THSD7A: variants seen among roughly 807,000 people sequenced by gnomAD.
The protein encoded by THSD7A is thrombospondin type-1 domain-containing protein 7A.
THSD7A carries 96 observed loss-of-function variants against 231.3 expected under a neutral mutation model. The ratio of observed to expected loss-of-function variants is 0.41; its 90% CI spans 0.35 to 0.49. The LOEUF (loss-of-function observed/expected upper bound fraction) is 0.49. Among genes scored for constraint, THSD7A ranks in the 20% least tolerant of loss-of-function variants. THSD7A has a pLI of 0.05. For missense variants in THSD7A, 2,290 were observed against 2,070.2 expected (o/e 1.11, Z -2.06); for synonymous variants, 940 against 743.3 (o/e 1.26, Z -4.30).
chr7:11,417,830 A>C (rs1784013741), intron 16 of THSD7A, among the ~76,000 whole-genome samples: 1 of 152,186 alleles, frequency 6.6e-6, no homozygotes, highest in African/African-American at 2.4e-5. Context: ...ATGATTCAAA[A>C]ATGTGTTTGC....
chr7:11,496,641 A>G (rs1049203980), intron 6 of THSD7A, among the ~76,000 whole-genome samples: 4 of 152,204 alleles, frequency 2.6e-5, no homozygotes, highest in Admixed American at 6.5e-5. Flanking sequence ...CACTTCTTCC[A>G]AGGGCCAGGA....
At chr7:11,517,614 T>C (rs1788086969) in intron 6 of THSD7A, among the ~76,000 whole-genome samples, 1 of 152,218 alleles carries the variant, frequency 6.6e-6, no homozygotes, top group South Asian at 2.1e-4. Context: ...CTTTTTTAGT[T>C]TCTTCTCTTG....
chr7:11,645,306 C>T (rs918811437), intron 1 of THSD7A, among the ~76,000 whole-genome samples: 3 of 151,614 alleles, frequency 2.0e-5, no homozygotes, highest in African/African-American at 7.3e-5. Context: ...CTAACATTTT[C>T]TCTGACCATT....
intron 1 of THSD7A, among the ~76,000 whole-genome samples, chr7:11,653,764 G>C (rs1435941816): frequency 6.6e-6 from 1 of 151,804 alleles, no homozygotes; most frequent in Non-Finnish European, 1.5e-5. Flanking sequence ...CTGAAGTCTA[G>C]TTTATACCAG....
chr7:11,534,908 C>T (rs1050005395), intron 6 of THSD7A, among the ~76,000 whole-genome samples: 48 of 152,138 alleles, frequency 3.2e-4, no homozygotes, highest in African/African-American at 1.1e-3. Context: ...ACTTGGGATG[C>T]TAAGGCAGGA....
chr7:11,627,575 G>A (rs1781514183), intron 2 of THSD7A, among the ~76,000 whole-genome samples: 1 of 152,004 alleles, frequency 6.6e-6, no homozygotes, highest in African/African-American at 2.4e-5. Context: ...GAGGAAAAGA[G>A]CAGAAGTAAA....
At chr7:11,458,170 T>C (rs1562624928) in intron 11 of THSD7A, among the ~76,000 whole-genome samples, 1 of 152,124 alleles carries the variant, frequency 6.6e-6, no homozygotes, top group Non-Finnish European at 1.5e-5. Flanking sequence ...TAATTATTTT[T>C]GTCATAAAAA....
At chr7:11,607,492 A>G (rs1780771713) in intron 2 of THSD7A, among the ~76,000 whole-genome samples, 2 of 152,194 alleles carry the variant, frequency 1.3e-5, no homozygotes, top group South Asian at 4.1e-4. Context: ...TTAAGTTTTT[A>G]TAACTTAACC....
intron 1 of THSD7A, among the ~76,000 whole-genome samples, chr7:11,742,633 A>G (rs1013919313): frequency 7.2e-5 from 11 of 151,914 alleles, no homozygotes; most frequent in Non-Finnish European, 7.4e-5. Flanking sequence ...CCTTTCAGCT[A>G]AGAAGGAAAA....
At chr7:11,565,898 T>C (rs1275353776) in intron 4 of THSD7A, among the ~76,000 whole-genome samples, 4 of 152,168 alleles carry the variant, frequency 2.6e-5, no homozygotes, top group Non-Finnish European at 5.9e-5. Context: ...CCAACTGAAT[T>C]GGCAGGTCTG....
In THSD7A at chr7:11,407,052, T is replaced by G. The variant is rs1390461331; in HGVS notation, c.3920A>C (p.Lys1307Thr). The change falls in exon 21 of 28, where the codon AAA (lysine) becomes ACA (threonine). Residue 1307 changes from lysine to threonine, a missense_variant. Coordinates refer to ENST00000423059, the MANE Select transcript of THSD7A (RefSeq NM_015204.3). ...ECSQTCGLTG[K>T]MIRRRTVTQP... ...GGTCACTGTTCGTCTTCGGATCATT[T>G]TTCCTTGAAGAGATACAAAGTGATG... The G allele has an allele frequency of 4.3e-6, 7 of 1,613,618 alleles. No homozygotes were observed. The Admixed American group carries it at 1.0e-4, about 23-fold the overall frequency.
chr7:11,776,105 T>C (rs114850143), intron 1 of THSD7A, among the ~76,000 whole-genome samples: 1,908 of 152,302 alleles, frequency 0.013, 34 homozygotes, highest in African/African-American at 0.043. Context: ...GAAGCCCTGA[T>C]TGGCCCAAGG....
At chr7:11,481,691 T>C (rs1377555807) in intron 7 of THSD7A, 97 bp downstream of exon 7, 3 of 1,281,416 alleles carry the variant, frequency 2.3e-6, no homozygotes, top group Non-Finnish European at 3.1e-6. Context: ...TTCTGGTTGT[T>C]GACTTTCATA....
intron 1 of THSD7A, among the ~76,000 whole-genome samples, chr7:11,673,101 T>C (rs1199680367): frequency 2.0e-5 from 3 of 152,080 alleles, no homozygotes; most frequent in Admixed American, 6.5e-5. Context: ...GGATTAATAG[T>C]TAGGTGACAC....
chr7:11,831,966 G>C lies in THSD7A; in HGVS notation c.-20C>G. ...CCCCATGCCGCCTGCAGCCACTCCA[G>C]GGTCCAGAGCCGTAGCACGCTCGGC... is the stretch of plus-strand genomic sequence containing the variant. On this transcript the variant is annotated 5_prime_UTR_variant, in exon 1 of 28. Coordinates refer to ENST00000423059, the MANE Select transcript of THSD7A (RefSeq NM_015204.3). This position sits in a 1 kb window ranked among gnomAD's most constrained non-coding sequence, Gnocchi z 5.0. The C allele has an allele frequency of 8.1e-7, 1 of 1,228,652 alleles. No homozygotes were observed. Among genetic ancestry groups the C allele is most frequent in the Non-Finnish European group, 1.0e-6 (1 of 987,536 alleles). 76.1% of individuals were successfully genotyped at this position (1,228,652 alleles called of 1,614,324 possible). A position where few individuals can be genotyped will look rare whatever the true frequency, so the allele number is the denominator to read the frequency against.
intron 19 of THSD7A, among the ~76,000 whole-genome samples, chr7:11,408,016 A>C (rs369637648): frequency 6.6e-6 from 1 of 152,132 alleles, no homozygotes; most frequent in Non-Finnish European, 1.5e-5. Flanking sequence ...AAAGATTTTC[A>C]CTTCTAAAAC....
At chr7:11,426,378 G>C (rs909320380) in intron 15 of THSD7A, among the ~76,000 whole-genome samples, 3 of 152,070 alleles carry the variant, frequency 2.0e-5, no homozygotes, top group Admixed American at 1.3e-4. Flanking sequence ...CATTAATAAT[G>C]GGTGTCACTG....
At chr7:11,708,109 A>C (rs529833235) in intron 1 of THSD7A, among the ~76,000 whole-genome samples, 10 of 150,796 alleles carry the variant, frequency 6.6e-5, no homozygotes, top group Non-Finnish European at 1.3e-4. Flanking sequence ...ATTAATCTTC[A>C]AAATACCCAG....
At chr7:11,692,520 C>T (rs963388217) in intron 1 of THSD7A, among the ~76,000 whole-genome samples, 1 of 151,422 alleles carries the variant, frequency 6.6e-6, no homozygotes, top group Non-Finnish European at 1.5e-5. Flanking sequence ...GAGGCAGATG[C>T]GTAATGTACA....
Sources: gnomAD v4.1 joint callset for allele counts (sites outside exome capture counted in the v4.1 genomes callset) on GRCh38, gnomAD v4.1.1 for gene constraint, Gnocchi (gnomAD v3.1) non-coding constraint, MANE v1.5 for transcripts, NCBI Gene and HGNC (gene_info 2026-07-23, HGNC 2026-07-21) for gene names.